PNOC: variants seen among roughly 807,000 people sequenced by gnomAD.
PNOC encodes the protein prepronociceptin.
A neutral mutation model predicts 15.6 loss-of-function variants in PNOC; 10 were observed. The ratio of observed to expected loss-of-function variants is 0.64; its 90% CI spans 0.40 to 1.09. PNOC has a LOEUF of 1.09. PNOC is among the 50% of genes least tolerant of loss of function. The pLI, the probability that PNOC is intolerant of heterozygous loss-of-function variation, is 0.01. For missense variants in PNOC, 220 were observed against 223.9 expected, an observed-to-expected ratio of 0.98 and a Z score of 0.11; for synonymous variants, 98 against 88.5, an observed-to-expected ratio of 1.11 and a Z score of -0.60.
intron 2 of PNOC, among the ~76,000 whole-genome samples, chr8:28,330,386 A>G (rs916201705): frequency 5.0e-5 from 3 of 59,790 alleles, no homozygotes. Context: ...ATTTTATTTT[A>G]TTTTATTTTA....
intron 2 of PNOC, among the ~76,000 whole-genome samples, chr8:28,334,221 CA>C (rs1258526704): frequency 6.6e-6 from 1 of 152,192 alleles, no homozygotes; most frequent in Non-Finnish European, 1.5e-5. Context: ...ATATACTACA[CA>C]TTGATTCTAG....
chr8:28,320,850 CAAAAA>C (rs900121827), intron 1 of PNOC, among the ~76,000 whole-genome samples: 2 of 58,018 alleles, frequency 3.4e-5, no homozygotes, highest in Non-Finnish European at 3.5e-5. Context: ...GACTCCATCT[CAAAAA>C]AAAAAAAAAA....
chr8:28,326,096 A>G (rs1319427911), intron 1 of PNOC, among the ~76,000 whole-genome samples: 1 of 152,192 alleles, frequency 6.6e-6, no homozygotes, highest in African/African-American at 2.4e-5. Context: ...TTATGCCTGT[A>G]ATCCCAACAC....
Position 28,339,251 on chromosome 8 carries a change from C to G in PNOC, c.338C>G (p.Pro113Arg). The change falls in exon 3 of 4, where the codon CCT becomes CGT. Residue 113 changes from proline (P) to arginine (R), a missense_variant. Physicochemically the swap from Pro to Arg is moderately radical, Grantham distance 103. Coordinates refer to ENST00000301908, the MANE Select transcript of PNOC (RefSeq NM_006228.5). ...SLFQEQEEPE[P>R]GMEEAGEMEQ... ...TTCCAGGAGCAGGAAGAGCCCGAGC[C>G]TGGCATGGAGGAGGCTGGTGAGATG... 1 of 1,609,370 alleles carries G rather than the reference C, an allele frequency of 6.2e-7. No homozygotes were observed. Among genetic ancestry groups the G allele is most frequent in the Non-Finnish European group, 8.5e-7 (1 of 1,175,956 alleles).
chr8:28,332,096 CA>C (rs1159728170), intron 2 of PNOC, among the ~76,000 whole-genome samples: 1 of 152,212 alleles, frequency 6.6e-6, no homozygotes, highest in Non-Finnish European at 1.5e-5. Flanking sequence ...TTCTTTGAAA[CA>C]AGTCAGAAAA....
intron 2 of PNOC, among the ~76,000 whole-genome samples, chr8:28,333,469 C>T (rs918559242): frequency 2.6e-5 from 4 of 152,154 alleles, no homozygotes; most frequent in African/African-American, 7.2e-5. Context: ...GTGAGTTCCC[C>T]GCACCAGAGG....
intron 1 of PNOC, among the ~76,000 whole-genome samples, chr8:28,325,651 C>CAAAAAAA (rs1260926640): frequency 1.8e-5 from 1 of 54,142 alleles, no homozygotes; most frequent in African/African-American, 5.4e-5. Flanking sequence ...GACTCTGTCT[C>CAAAAAAA]AAAAAAAAAA....
chr8:28,334,171 C>A (rs1801374771), intron 2 of PNOC, among the ~76,000 whole-genome samples: 2 of 152,250 alleles, frequency 1.3e-5, no homozygotes, highest in Non-Finnish European at 2.9e-5. Context: ...GAGATCCACG[C>A]CTGTAGAGTA....
intron 3 of PNOC, among the ~76,000 whole-genome samples, chr8:28,342,737 G>T (rs1801544668): frequency 6.6e-6 from 1 of 152,204 alleles, no homozygotes; most frequent in Admixed American, 6.5e-5. Flanking sequence ...CTCCCGTTTA[G>T]TCTATTAGTC....
intron 3 of PNOC, 113 bp downstream of exon 3, chr8:28,339,604 C>T (rs1430100810): frequency 1.2e-6 from 1 of 811,480 alleles, no homozygotes; most frequent in Non-Finnish European, 1.8e-6. Context: ...CCCCACTCCA[C>T]ACACACACAC....
intron 2 of PNOC, among the ~76,000 whole-genome samples, chr8:28,335,772 G>A (rs921035334): frequency 3.9e-5 from 6 of 151,930 alleles, no homozygotes; most frequent in Non-Finnish European, 8.8e-5. Flanking sequence ...CAGATGATCC[G>A]CCCGCCTCAG....
chr8:28,317,948 T>C (rs1220742872), intron 1 of PNOC, among the ~76,000 whole-genome samples: 2 of 152,044 alleles, frequency 1.3e-5, no homozygotes, highest in Non-Finnish European at 2.9e-5. Flanking sequence ...CGCCACGGCG[T>C]GTGAATTCCA....
At chr8:28,322,406 TAAG>T (rs1319251205) in intron 1 of PNOC, among the ~76,000 whole-genome samples, 1 of 151,516 alleles carries the variant, frequency 6.6e-6, no homozygotes, top group Non-Finnish European at 1.5e-5. Flanking sequence ...AAATAAAAAA[TAAG>T]AAGTAAATAA....
At chr8:28,323,974 G>C (rs1173311115) in intron 1 of PNOC, among the ~76,000 whole-genome samples, 1 of 152,250 alleles carries the variant, frequency 6.6e-6, no homozygotes, top group Non-Finnish European at 1.5e-5. Context: ...AGGGGGGAAT[G>C]GATAGCATTG....
At chr8:28,336,833 G>A (rs530743807) in intron 2 of PNOC, among the ~76,000 whole-genome samples, 1 of 152,044 alleles carries the variant, frequency 6.6e-6, no homozygotes, top group Non-Finnish European at 1.5e-5. Context: ...GGAGTGGGAG[G>A]AGGGGCAGAA....
chr8:28,321,491 T>C (rs1361425068), intron 1 of PNOC, among the ~76,000 whole-genome samples: 1 of 152,120 alleles, frequency 6.6e-6, no homozygotes, highest in African/African-American at 2.4e-5. Flanking sequence ...TCTATGGCTT[T>C]CCTCATGCTG....
At chr8:28,322,020 C>T (rs1801159074) in intron 1 of PNOC, among the ~76,000 whole-genome samples, 1 of 152,182 alleles carries the variant, frequency 6.6e-6, no homozygotes, top group South Asian at 2.1e-4. Flanking sequence ...GAAGACCCAC[C>T]TATCTTCTGA....
chr8:28,325,579 G>C (rs568979405), intron 1 of PNOC, among the ~76,000 whole-genome samples: 1 of 149,108 alleles, frequency 6.7e-6, no homozygotes, highest in Non-Finnish European at 1.5e-5. Context: ...TTAAACTTAA[G>C]AGGCGGAGTT....
chr8:28,342,039 A>T (rs1324795122), intron 3 of PNOC, among the ~76,000 whole-genome samples: 3 of 152,140 alleles, frequency 2.0e-5, no homozygotes, highest in African/African-American at 4.8e-5. Context: ...CTTACACTGG[A>T]ATGGGATAAA....
Sources: allele counts gnomAD v4.1 joint callset (sites outside exome capture counted in the v4.1 genomes callset), GRCh38; gene constraint gnomAD v4.1.1; transcripts MANE v1.5; gene names NCBI Gene and HGNC (gene_info 2026-07-23, HGNC 2026-07-21).